The following HERC4 variants were observed in gnomAD, a reference collection of about 807,000 sequenced individuals.
The protein encoded by HERC4 is probable E3 ubiquitin-protein ligase HERC4.
Under a neutral mutation model 124.3 loss-of-function variants are expected in HERC4, and 28 were observed. The ratio of observed to expected loss-of-function variants is 0.23; its 90% confidence interval spans 0.17 to 0.31. The LOEUF (loss-of-function observed/expected upper bound fraction) is 0.31. Ranked by LOEUF, HERC4 falls within the 10% of genes least tolerant of loss-of-function variation. The pLI, the probability that HERC4 is intolerant of heterozygous loss-of-function variation, is 1.00. For synonymous variants in HERC4, 407 were observed against 421.5 expected, an observed-to-expected ratio of 0.97 and a Z score of 0.42; for missense variants, 713 against 1,229.3, an observed-to-expected ratio of 0.58 and a Z score of 6.28.
rs1174878122 is a variant in HERC4, at chr10:67,932,732, C to T, written c.2703G>A (p.Val901=). The T allele has an allele frequency of 6.2e-7, 1 of 1,603,266 alleles. No individual in the cohort carries two copies. The highest frequency in any genetic ancestry group is 1.4e-5 in the African/African-American group (1 of 74,020). Residue 901 remains valine, a synonymous_variant, in exon 23 of 25, where the codon GTG becomes GTA. Coordinates refer to ENST00000373700, the MANE Select transcript of HERC4 (RefSeq NM_015601.4). ...CATGAAAAGCATCAAATAAGGAAGC[C>T]ACTGATTTATTGAATATGTAATCCA... ...AYVDYIFNKS[V]ASLFDAFHAG...
chr10:67,989,151 A>T (rs1039331756), intron 14 of HERC4, among the ~76,000 whole-genome samples: 1 of 152,092 alleles, frequency 6.6e-6, no homozygotes, highest in Non-Finnish European at 1.5e-5. Flanking sequence ...TTTTTAAAAA[A>T]TGTTTTGAAA....
chr10:67,959,027 A>G, intron 16 of HERC4: 9 of 1,160,638 alleles, frequency 7.8e-6, no homozygotes, highest in Non-Finnish European at 9.9e-6. Flanking sequence ...ACCACACCAA[A>G]AAAACGAATC....
intron 10 of HERC4, 140 bp downstream of exon 10, chr10:67,992,466 G>GA (rs1445190819): frequency 2.5e-6 from 3 of 1,204,326 alleles, no homozygotes; most frequent in East Asian, 2.5e-5. Context: ...AAATAGATCA[G>GA]AAAAAACTTA....
At position 67,922,901 on chromosome 10, in the gene HERC4, G is replaced by C. The variant is rs763622222; in HGVS notation, c.*30C>G. 7.0e-6 allele frequency: 10 copies of C among 1,423,650 alleles called. No homozygotes were observed. In the Admixed American group the frequency reaches 1.9e-4, roughly 28 times the overall value. 88.2% of individuals were successfully genotyped at this position (1,423,650 alleles called of 1,614,324 possible). A position where few individuals can be genotyped will look rare whatever the true frequency, so the allele number is the denominator to read the frequency against. On this transcript the variant is annotated 3_prime_UTR_variant, in exon 25 of 25. Coordinates refer to ENST00000373700, the MANE Select transcript of HERC4 (RefSeq NM_015601.4). ...AAAACACAAATAGTTTAATGCTTTT[G>C]CACTAAACTGAATAGTTATAACTCC...
At chr10:68,003,706 C>G (rs1336105865) in intron 9 of HERC4, among the ~76,000 whole-genome samples, 2 of 152,242 alleles carry the variant, frequency 1.3e-5, no homozygotes, top group East Asian at 3.9e-4. Flanking sequence ...TTTTTTATGG[C>G]TGAATAGTAT....
Position 68,058,607 on chromosome 10 carries a change from G to C in HERC4, c.227-14044C>G, listed in dbSNP as rs189507448. On this transcript the variant is annotated intron_variant, in intron 3 of 24. Transcript: ENST00000373700. ...TGTTAGGTTTTATCTTTATTTTTTT[G>C]AGACGAGAGTTTCACTCTGTCACCA... is the stretch of plus-strand genomic sequence containing the variant. 4.0e-5 allele frequency among the ~76,000 whole-genome samples: 6 copies of C among 151,822 alleles called. No homozygotes were observed. The East Asian group carries it at 1.2e-3, about 29-fold the overall frequency.
rs2035563871 is a variant in HERC4 at position 67,975,986 on chromosome 10, C to T, written c.1807-9184G>A. On this transcript the variant is annotated intron_variant, in intron 15 of 24. Transcript: ENST00000373700. ...CCTAAAAGAAGGGGTCGGCAAACTA[C>T]AACCTGTGGGTCAAATGCTACCCAG... 2.0e-5 allele frequency among the ~76,000 whole-genome samples: 3 copies of T among 150,956 alleles called. No homozygotes were observed. The South Asian group carries it at 6.2e-4, about 31-fold the overall frequency.
intron 19 of HERC4, among the ~76,000 whole-genome samples, chr10:67,950,831 AC>A (rs759057313): frequency 1.2e-4 from 18 of 152,192 alleles, no homozygotes; most frequent in Non-Finnish European, 2.5e-4. Flanking sequence ...ACCCAGTAGA[AC>A]TACTGACTCT....
chr10:68,002,598 A>ATT (rs2037296198), intron 9 of HERC4, among the ~76,000 whole-genome samples: 1 of 133,260 alleles, frequency 7.5e-6, no homozygotes, highest in Admixed American at 8.4e-5. Flanking sequence ...TTAAATTTTT[A>ATT]CTTTTTTTTT....
At chr10:68,060,982 C>G (rs2040979378) in intron 3 of HERC4, among the ~76,000 whole-genome samples, 1 of 151,942 alleles carries the variant, frequency 6.6e-6, no homozygotes, top group Non-Finnish European at 1.5e-5. Context: ...AACTTTCTTC[C>G]AGTTGCTTTT....
At chr10:68,002,815 G>A (rs558247259) in intron 9 of HERC4, among the ~76,000 whole-genome samples, 1 of 152,062 alleles carries the variant, frequency 6.6e-6, no homozygotes, top group East Asian at 1.9e-4. Flanking sequence ...GGCCAGGCTG[G>A]TCTCAAACTC....
In HERC4 at chr10:68,014,128, C is replaced by T. The variant is rs370839726; in HGVS notation, c.967G>A (p.Gly323Ser). ...GAACCGGTTCCCAGCTGCCCATTACCACCAAGCCCAAAAGAGTAAATTCGT... is the reference window on the plus strand; with the variant it reads ...GAACCGGTTCCCAGCTGCCCATTACTACCAAGCCCAAAAGAGTAAATTCGT... ...SGRIYSFGLG[G>S]NGQLGTGSTS... The change falls in exon 9 of 25, where the codon GGT (glycine) becomes AGT (serine). Residue 323 changes from glycine (G) to serine (S), a missense_variant. Physicochemically the swap from Gly to Ser is moderately conservative, Grantham distance 56 (BLOSUM62 0). Transcript: ENST00000373700. 23 of 1,613,598 alleles carry T rather than the reference C, an allele frequency of 1.4e-5. No homozygotes were observed. The highest frequency in any genetic ancestry group is 1.9e-5 in the Non-Finnish European group (22 of 1,179,860).
intron 7 of HERC4, among the ~76,000 whole-genome samples, chr10:68,030,403 T>C (rs2039142340): frequency 6.6e-6 from 1 of 152,182 alleles, no homozygotes; most frequent in South Asian, 2.1e-4. Context: ...ATCACACCAC[T>C]GTACTCCAGC....
intron 15 of HERC4, among the ~76,000 whole-genome samples, chr10:67,969,076 T>C (rs191372113): frequency 2.0e-5 from 3 of 152,170 alleles, no homozygotes; most frequent in African/African-American, 7.2e-5. Flanking sequence ...ACAATGGAAT[T>C]AAACTAAAAT....
intron 20 of HERC4, 39 bp downstream of exon 20, chr10:67,940,900 C>T: frequency 6.3e-7 from 1 of 1,575,514 alleles, no homozygotes; most frequent in Non-Finnish European, 8.6e-7. Context: ...TTTTTACCTC[C>T]CAAACCCTAC....
chr10:68,009,509 C>G (rs1355846845), intron 9 of HERC4, among the ~76,000 whole-genome samples: 2 of 152,116 alleles, frequency 1.3e-5, no homozygotes, highest in Non-Finnish European at 1.5e-5. Flanking sequence ...CTAAAAAATG[C>G]TAACGATCAA....
chr10:67,927,529 G>A (rs1185258014), intron 23 of HERC4, among the ~76,000 whole-genome samples: 3 of 149,880 alleles, frequency 2.0e-5, no homozygotes, highest in Non-Finnish European at 4.4e-5. Context: ...AGGTTCAAGC[G>A]ATTCTCCTGC....
At position 67,922,235 on chromosome 10, in the gene HERC4, T is replaced by C. The variant is rs976256245; in HGVS notation, c.*696A>G. On this transcript the variant is annotated 3_prime_UTR_variant, in exon 25 of 25. Coordinates refer to ENST00000373700, the MANE Select transcript of HERC4 (RefSeq NM_015601.4). ...TCCAGTACTAAATATTAATAAGTTC[T>C]CTGATCGACAATCCCCCATCTATCA... 2.4e-4 allele frequency: 37 copies of C among 152,184 alleles called. No homozygotes were observed. The highest frequency in any genetic ancestry group is 8.4e-4 in the African/African-American group (35 of 41,460). 9.4% of individuals were successfully genotyped at this position (152,184 alleles called of 1,614,324 possible).
intron 20 of HERC4, among the ~76,000 whole-genome samples, chr10:67,939,953 G>A (rs142570381): frequency 0.015 from 2,326 of 152,100 alleles, 57 homozygotes; most frequent in African/African-American, 0.053. Context: ...CCGAGATGGA[G>A]TCTTGCTCTG....
Sources: gnomAD v4.1 joint callset for allele counts (sites outside exome capture counted in the v4.1 genomes callset) on GRCh38, gnomAD v4.1.1 for gene constraint, MANE v1.5 for transcripts, NCBI Gene and HGNC (gene_info 2026-07-23, HGNC 2026-07-21) for gene names.